Variants in CDYL observed in about 807,000 individuals in gnomAD.
CDYL encodes the protein chromodomain Y like.
In CDYL, 8 loss-of-function variants were observed where a neutral mutation model predicts 47.3. That is an observed-to-expected ratio of 0.17 (90% CI 0.10 to 0.31). CDYL has a LOEUF of 0.31. CDYL is among the 10% of genes least tolerant of loss of function. The probability of loss-of-function intolerance (pLI) is 1.00; values close to 1 mark genes in which losing one functional copy is unlikely to be tolerated. For missense variants in CDYL, 471 were observed against 701.4 expected (o/e 0.67, Z 3.71); for synonymous variants, 266 against 265.0 (o/e 1.00, Z -0.04).
chr6:4,952,738 T>TGC (rs1189044993), intron 6 of CDYL, among the ~76,000 whole-genome samples: 1 of 151,290 alleles, frequency 6.6e-6, no homozygotes, highest in Admixed American at 6.6e-5. Flanking sequence ...GCTTCTCCCC[T>TGC]GTTTCCCCAC....
intron 3 of CDYL, among the ~76,000 whole-genome samples, chr6:4,937,137 A>T (rs937606540): frequency 1.3e-5 from 2 of 152,216 alleles, no homozygotes; most frequent in African/African-American, 4.8e-5. Flanking sequence ...CAGGAGGATC[A>T]CTTGAGCCCA....
At chr6:4,879,552 GTTTTT>G (rs59685693) in intron 1 of CDYL, among the ~76,000 whole-genome samples, 1 of 106,156 alleles carries the variant, frequency 9.4e-6, no homozygotes, top group Non-Finnish European at 1.8e-5. Context: ...TTTTTGTGGG[GTTTTT>G]TTTTTTTTTT....
At chr6:4,735,300 A>C (rs74397271) in intron 3 of CDYL, among the ~76,000 whole-genome samples, 3 of 147,432 alleles carry the variant, frequency 2.0e-5, no homozygotes, top group African/African-American at 7.4e-5. Context: ...CAAAAAAAAG[A>C]AAAAAAAAAG....
At chr6:4,780,205 C>T (rs868694401) in intron 1 of CDYL, among the ~76,000 whole-genome samples, 2 of 151,652 alleles carry the variant, frequency 1.3e-5, no homozygotes, top group African/African-American at 2.4e-5. Context: ...GTAATCCTCC[C>T]TCCTTTCCTC....
chr6:4,734,190 C>G (rs773296699), intron 2 of CDYL, among the ~76,000 whole-genome samples: 2 of 152,130 alleles, frequency 1.3e-5, no homozygotes, highest in African/African-American at 4.8e-5. Context: ...GGGGAAAGGA[C>G]TAGGGGAAAG....
chr6:4,770,766 A>G (rs1236385477), intron 3 of CDYL, among the ~76,000 whole-genome samples: 1 of 152,210 alleles, frequency 6.6e-6, no homozygotes, highest in Non-Finnish European at 1.5e-5. Flanking sequence ...TGTGTACTAC[A>G]AAAAAGGAAT....
At chr6:4,833,400 T>A (rs1760203587) in intron 1 of CDYL, among the ~76,000 whole-genome samples, 1 of 151,970 alleles carries the variant, frequency 6.6e-6, no homozygotes, top group Admixed American at 6.6e-5. Context: ...AGTTTCTTAA[T>A]CCTGAGTTCT....
chr6:4,776,135 A>T (rs373302690), upstream of CDYL, among the ~76,000 whole-genome samples: 14 of 146,228 alleles, frequency 9.6e-5, no homozygotes, highest in East Asian at 1.7e-3. Flanking sequence ...GGGACTGGGG[A>T]AGTCGGAGCC....
chr6:4,788,713 T>C (rs1758832087), intron 1 of CDYL, among the ~76,000 whole-genome samples: 1 of 150,838 alleles, frequency 6.6e-6, no homozygotes, highest in African/African-American at 2.4e-5. Flanking sequence ...GAAATTCCAA[T>C]CCTTTCTGTG....
chr6:4,942,970 T>C (rs2127524496), intron 4 of CDYL, among the ~76,000 whole-genome samples: 1 of 152,358 alleles, frequency 6.6e-6, no homozygotes, highest in African/African-American at 2.4e-5. Flanking sequence ...TCCCCCAGAC[T>C]GTTCAGTCCA....
intron 1 of CDYL, among the ~76,000 whole-genome samples, chr6:4,799,819 C>T (rs184588): frequency 0.22 from 33,941 of 152,106 alleles, 5,607 homozygotes; most frequent in African/African-American, 0.47. Context: ...TTTCCAAATA[C>T]GATTGTGCAT....
chr6:4,771,114 CT>C (rs35300257), intron 3 of CDYL, among the ~76,000 whole-genome samples: 2,706 of 147,884 alleles, frequency 0.018, 47 homozygotes, highest in African/African-American at 0.042. Context: ...AGAATTTGCA[CT>C]TTTTTTTTTG....
chr6:4,806,211 A>G (rs1759365774), intron 1 of CDYL, among the ~76,000 whole-genome samples: 2 of 152,212 alleles, frequency 1.3e-5, no homozygotes, highest in African/African-American at 4.8e-5. Context: ...GCTGGAGAAG[A>G]AAAGGAATGC....
intron 2 of CDYL, among the ~76,000 whole-genome samples, chr6:4,922,165 G>A (rs945784808): frequency 3.3e-5 from 5 of 152,088 alleles, no homozygotes; most frequent in African/African-American, 1.2e-4. Flanking sequence ...ATCTTCAGGG[G>A]ATTATGGCTT....
chr6:4,952,497 A>G, intron 6 of CDYL, 88 bp downstream of exon 6: 1 of 1,441,192 alleles, frequency 6.9e-7, no homozygotes, highest in Non-Finnish European at 9.4e-7. Flanking sequence ...ATTATTCCTA[A>G]GTCCTTTACG....
chr6:4,793,712 G>C (rs1316831087), intron 1 of CDYL, among the ~76,000 whole-genome samples: 1 of 152,190 alleles, frequency 6.6e-6, no homozygotes, highest in Non-Finnish European at 1.5e-5. Flanking sequence ...TTGAAACCCA[G>C]GTGGTGACAT....
In CDYL at chr6:4,895,365, A is replaced by G. The variant is rs1195538613; in HGVS notation, c.691+2986A>G. On this transcript the variant is annotated intron_variant, in intron 2 of 6. Coordinates refer to ENST00000397588, the MANE Select transcript of CDYL (RefSeq NM_004824.4). ...TATGCATGTATGTATATATGTGCATATATGCATGTATGTATATATGTGCAT... is the reference window on the plus strand; with the variant it reads ...TATGCATGTATGTATATATGTGCATGTATGCATGTATGTATATATGTGCAT... Among the ~76,000 whole-genome samples the G allele has an allele frequency of 1.6e-5, 2 of 126,332 alleles. 1 individual carries two copies. The highest frequency in any genetic ancestry group is 7.0e-5 in the African/African-American group (2 of 28,602). The allele number at this position is 126,332 out of a possible 152,430, so 82.9% of individuals were successfully genotyped here. A position where few individuals can be genotyped will look rare whatever the true frequency, so the allele number is the denominator to read the frequency against.
intron 1 of CDYL, among the ~76,000 whole-genome samples, chr6:4,857,368 C>T (rs1362451733): frequency 1.3e-5 from 2 of 152,136 alleles, no homozygotes; most frequent in African/African-American, 2.4e-5. Flanking sequence ...TTTATATACA[C>T]GAGAGTAAAC....
chr6:4,855,248 T>G (rs1233669300), intron 1 of CDYL, among the ~76,000 whole-genome samples: 1 of 152,188 alleles, frequency 6.6e-6, no homozygotes, highest in African/African-American at 2.4e-5. Flanking sequence ...GACCCTTTTC[T>G]CTATTAATAT....
Sources: gnomAD v4.1 joint callset for allele counts (sites outside exome capture counted in the v4.1 genomes callset) on GRCh38, gnomAD v4.1.1 for gene constraint, MANE v1.5 for transcripts, NCBI Gene and HGNC (gene_info 2026-07-23, HGNC 2026-07-21) for gene names.